ERCC6: variants seen among roughly 807,000 people sequenced by gnomAD.
ERCC6 encodes the protein ERCC excision repair 6, chromatin remodeling factor.
A neutral mutation model predicts 158.7 loss-of-function variants in ERCC6; 116 were observed. The observed-to-expected ratio is 0.73, with a 90% CI of 0.63 to 0.85. The LOEUF is 0.85. Ranked by LOEUF, ERCC6 falls within the 40% of genes least tolerant of loss-of-function variation. The pLI, the probability that ERCC6 is intolerant of heterozygous loss-of-function variation, is 0.00. For missense variants in ERCC6, 1,698 were observed against 1,799.4 expected (o/e 0.94, Z 1.02); for synonymous variants, 678 against 659.3 (o/e 1.03, Z -0.43).
chr10:49,449,968 G>A (rs1026210547), downstream of ERCC6, among the ~76,000 whole-genome samples: 95 of 152,140 alleles, frequency 6.2e-4, no homozygotes, highest in African/African-American at 2.1e-3. Context: ...GACCTCCTGG[G>A]CTCAAGTGAT....
chr10:49,452,607 C>T (rs1564722130), downstream of ERCC6, among the ~76,000 whole-genome samples: 1 of 152,022 alleles, frequency 6.6e-6, no homozygotes, highest in East Asian at 1.9e-4. Context: ...TGGTTTACAG[C>T]GTTGGTCAAG....
At chr10:49,505,521 T>C (rs187520848) in intron 6 of ERCC6, 274 of 182,632 alleles carry the variant, frequency 1.5e-3, no homozygotes, top group African/African-American at 6.1e-3. Flanking sequence ...TTGATTTTAA[T>C]ATGCAACTCT....
At chr10:49,522,097 A>C (rs1330144565) in intron 5 of ERCC6, among the ~76,000 whole-genome samples, 1 of 152,178 alleles carries the variant, frequency 6.6e-6, no homozygotes, top group Non-Finnish European at 1.5e-5. Context: ...AATTCTAACC[A>C]CTAAAAAAAA....
chr10:49,516,316 A>G (rs1197947653), intron 5 of ERCC6: 1 of 1,614,168 alleles, frequency 6.2e-7, no homozygotes, highest in South Asian at 1.1e-5. Context: ...TCAAAGCTGA[A>G]ATATGTTTCA....
intron 15 of ERCC6, 122 bp from the exon 16 acceptor site, chr10:49,472,592 C>A (rs1011285746): frequency 9.9e-7 from 1 of 1,008,558 alleles, no homozygotes; most frequent in Admixed American, 1.9e-5. Context: ...TGACTCATGA[C>A]GTCAAGTACA....
intron 7 of ERCC6, 34 bp from the exon 8 acceptor site, chr10:49,493,286 G>C: frequency 1.2e-6 from 2 of 1,613,400 alleles, no homozygotes; most frequent in Non-Finnish European, 1.7e-6. Context: ...AAACAACCAT[G>C]AAAGAGCATA....
intron 5 of ERCC6, 113 bp from the exon 6 acceptor site, chr10:49,506,125 G>C: frequency 1.7e-6 from 2 of 1,207,688 alleles, no homozygotes; most frequent in East Asian, 4.7e-5. Context: ...GGTCTCTTAG[G>C]TTAATGCTGC....
At chr10:49,442,022 C>G in the ERCC6 span, among the ~76,000 whole-genome samples, 1 of 152,180 alleles carries the variant, frequency 6.6e-6, no homozygotes, top group African/African-American at 2.4e-5. Flanking sequence ...TAGCACATCC[C>G]TGGCCCCAGG....
At chr10:49,453,537 A>T (rs1850443974), downstream of ERCC6, among the ~76,000 whole-genome samples, 1 of 152,224 alleles carries the variant, frequency 6.6e-6, no homozygotes, top group Non-Finnish European at 1.5e-5. Flanking sequence ...TATTTGATAC[A>T]GTTGCATTTT....
At chr10:49,460,031 C>A in intron 20 of ERCC6, 1 of 376,418 alleles carries the variant, frequency 2.7e-6, no homozygotes, top group Non-Finnish European at 5.0e-6. Context: ...AGGCAGTTTT[C>A]TGGACTTTTA....
At chr10:49,532,471 G>A (rs1329533811) in intron 2 of ERCC6, 72 bp downstream of exon 2, 1 of 1,600,756 alleles carries the variant, frequency 6.2e-7, no homozygotes, top group Non-Finnish European at 8.5e-7. Context: ...GAATACTAGA[G>A]CTTTCCATTA....
Position 49,455,643 on chromosome 10 carries a change from T to C in ERCC6, c.*3172A>G, listed in dbSNP as rs550189109. 2 of 152,348 alleles carry C rather than the reference T, an allele frequency of 1.3e-5. No individual in the cohort carries two copies. Among genetic ancestry groups the C allele is most frequent in the South Asian group, 4.1e-4 (2 of 4,830 alleles). 9.4% of individuals were successfully genotyped at this position (152,348 alleles called of 1,614,324 possible). On this transcript the variant is annotated 3_prime_UTR_variant, in exon 21 of 21. Transcript: ENST00000355832. ...TGGAGAAAAGAATATTTGTTGATCATTGGAATAACTGCCTTTTTGTTTTTG... is the reference window on the plus strand; with the variant it reads ...TGGAGAAAAGAATATTTGTTGATCACTGGAATAACTGCCTTTTTGTTTTTG...
At position 49,470,443 on chromosome 10, in the gene ERCC6, G is replaced by A. The variant is rs1158741451; in HGVS notation, c.3517C>T (p.Gln1173Ter). 3 of 1,613,888 alleles carry A rather than the reference G, an allele frequency of 1.9e-6. No individual in the cohort carries two copies. In the African/African-American group the frequency reaches 4.0e-5, roughly 22 times the overall value. ...TGCTTATAAAAATTATTTTCCATTT[G>A]TTTATTCTCCCAAAAAGCTTCTGTT... ...AQTEAFWENK[Q>*]MENNFYKHKS... The change falls in exon 18 of 21, where the codon CAA becomes TAA. Residue 1173 changes from glutamine to a stop codon, truncating the protein, a stop_gained. Transcript: ENST00000355832. LOFTEE classifies it high-confidence loss of function.
At chr10:49,499,447 G>A (rs941703389) in intron 7 of ERCC6, among the ~76,000 whole-genome samples, 8 of 152,206 alleles carry the variant, frequency 5.3e-5, no homozygotes, top group African/African-American at 1.9e-4. Context: ...TTTCGCTGCT[G>A]ATGAGCTGGA....
intron 11 of ERCC6, among the ~76,000 whole-genome samples, chr10:49,477,461 C>T (rs1850898435): frequency 6.6e-6 from 1 of 152,164 alleles, no homozygotes; most frequent in African/African-American, 2.4e-5. Flanking sequence ...ACTTCCTCAC[C>T]TCCAGTCACT....
At chr10:49,508,705 C>T (rs563136926) in intron 5 of ERCC6, among the ~76,000 whole-genome samples, 58 of 152,216 alleles carry the variant, frequency 3.8e-4, no homozygotes, top group African/African-American at 1.3e-3. Flanking sequence ...CGAAGAGATT[C>T]TTCTGTTACA....
At chr10:49,506,057 G>A (rs1057128241) in intron 5 of ERCC6, 45 bp from the exon 6 acceptor site, 10 of 1,607,946 alleles carry the variant, frequency 6.2e-6, no homozygotes, top group Non-Finnish European at 8.5e-6. Context: ...TTGATCACAA[G>A]ACAGATTTAA....
chr10:49,472,037 T>C (rs1486786113), intron 16 of ERCC6, among the ~76,000 whole-genome samples: 5 of 152,208 alleles, frequency 3.3e-5, no homozygotes, highest in Admixed American at 3.3e-4. Flanking sequence ...TATGGTAACA[T>C]TCAACCTTGT....
chr10:49,470,683 C>G lies in ERCC6; in HGVS notation c.3277G>C (p.Asp1093His). ...ACATTACTACTCATGTGAGGGTCAT[C>G]TTTCAAAGGATCACTTCGATTAGAA... ...VTSNRSDPLK[D>H]DPHMSSNVTS... Residue 1093 changes from aspartate (D) to histidine (H), a missense_variant, in exon 18 of 21, where the codon GAT (aspartate) becomes CAT (histidine). Coordinates refer to ENST00000355832, the MANE Select transcript of ERCC6 (RefSeq NM_000124.4). 1 of 1,614,040 alleles carries G rather than the reference C, an allele frequency of 6.2e-7. No individual in the cohort carries two copies. The highest frequency in any genetic ancestry group is 8.5e-7 in the Non-Finnish European group (1 of 1,180,018).
Sources: gnomAD v4.1 joint callset for allele counts (sites outside exome capture counted in the v4.1 genomes callset) on GRCh38, gnomAD v4.1.1 for gene constraint, MANE v1.5 for transcripts, NCBI Gene and HGNC (gene_info 2026-07-23, HGNC 2026-07-21) for gene names.